Variants in CLEC16A observed in about 807,000 individuals in gnomAD.
CLEC16A encodes the protein C-type lectin domain containing 16A, also known as protein CLEC16A.
A neutral mutation model predicts 109.5 loss-of-function variants in CLEC16A; 51 were observed. That is an observed-to-expected ratio of 0.47 (90% CI 0.37 to 0.59). The LOEUF (loss-of-function observed/expected upper bound fraction) is 0.59, where lower values mean the gene tolerates loss of function less well. Ranked by LOEUF, CLEC16A falls within the 20% of genes least tolerant of loss-of-function variation. CLEC16A has a pLI of 0.00. For missense variants in CLEC16A, 1,339 were observed against 1,394.0 expected (o/e 0.96, Z 0.63); for synonymous variants, 673 against 564.2 (o/e 1.19, Z -2.73).
At chr16:10,995,888 C>T (rs1198363976) in intron 10 of CLEC16A, among the ~76,000 whole-genome samples, 1 of 152,196 alleles carries the variant, frequency 6.6e-6, no homozygotes, top group Non-Finnish European at 1.5e-5. Context: ...GAAGCATCCT[C>T]AGAGGGTGAG....
chr16:10,962,348 G>T (rs2042289116), intron 2 of CLEC16A, 107 bp from the exon 3 acceptor site: 1 of 1,368,886 alleles, frequency 7.3e-7, no homozygotes, highest in African/African-American at 1.4e-5. Context: ...CAGATACCTT[G>T]GGGGAGAGGG....
chr16:11,148,664 C>T (rs1380058888), intron 22 of CLEC16A, among the ~76,000 whole-genome samples: 3 of 152,210 alleles, frequency 2.0e-5, no homozygotes, highest in Non-Finnish European at 2.9e-5. Context: ...TATGCGCCTC[C>T]GTTTCCCTGT....
intron 22 of CLEC16A, among the ~76,000 whole-genome samples, chr16:11,151,678 TC>T (rs2054295831): frequency 1.3e-5 from 2 of 152,238 alleles, no homozygotes; most frequent in Non-Finnish European, 2.9e-5. Context: ...CAGTGCAATT[TC>T]ACTCACAGGG....
chr16:10,992,215 A>T (rs999099273), intron 10 of CLEC16A, among the ~76,000 whole-genome samples: 2 of 151,272 alleles, frequency 1.3e-5, no homozygotes, highest in Admixed American at 6.6e-5. Context: ...ACCAGATCTC[A>T]CTCCTCCTGT....
intron 17 of CLEC16A, 150 bp downstream of exon 17, chr16:11,047,492 G>C (rs770478109): frequency 1.6e-5 from 7 of 447,960 alleles, no homozygotes; most frequent in Non-Finnish European, 2.7e-5. Flanking sequence ...ATGGTGTCTT[G>C]TGATCCCCAC....
At chr16:11,017,975 TAATAAC>T (rs1567200741) in intron 11 of CLEC16A, among the ~76,000 whole-genome samples, 1 of 148,468 alleles carries the variant, frequency 6.7e-6, no homozygotes, top group Non-Finnish European at 1.5e-5. Context: ...TTAGTTTAGT[TAATAAC>T]AATTTTTAAA....
At chr16:11,144,131 G>T (rs529582659) in intron 22 of CLEC16A, among the ~76,000 whole-genome samples, 1 of 152,268 alleles carries the variant, frequency 6.6e-6, no homozygotes, top group Non-Finnish European at 1.5e-5. Flanking sequence ...TACTAGGCTG[G>T]TCATCTCCCA....
intron 10 of CLEC16A, among the ~76,000 whole-genome samples, chr16:10,983,380 T>C (rs1596876985): frequency 6.6e-6 from 1 of 152,226 alleles, no homozygotes; most frequent in Admixed American, 6.5e-5. Context: ...TGGCGAGGGG[T>C]GTGGCAAATT....
chr16:11,090,258 G>A (rs2050231427), intron 19 of CLEC16A, among the ~76,000 whole-genome samples: 1 of 152,110 alleles, frequency 6.6e-6, no homozygotes, highest in African/African-American at 2.4e-5. Context: ...GACTCGCTAT[G>A]TTGCCCAGTC....
chr16:11,025,037 G>T, intron 13 of CLEC16A, 116 bp downstream of exon 13: 4 of 749,280 alleles, frequency 5.3e-6, no homozygotes, highest in African/African-American at 1.8e-5. Context: ...TTTCCTTTCT[G>T]GTTTTGGTGG....
intron 19 of CLEC16A, among the ~76,000 whole-genome samples, chr16:11,104,743 T>A (rs371245268): frequency 1.3e-5 from 2 of 152,278 alleles, no homozygotes; most frequent in African/African-American, 4.8e-5. Flanking sequence ...ATTTTTCAGA[T>A]AAGGAAACAG....
chr16:11,098,000 T>C (rs576030556), intron 19 of CLEC16A, among the ~76,000 whole-genome samples: 4 of 152,326 alleles, frequency 2.6e-5, no homozygotes, highest in African/African-American at 9.6e-5. Flanking sequence ...TAGACTTGGC[T>C]GTGTGGTAGA....
intron 19 of CLEC16A, among the ~76,000 whole-genome samples, chr16:11,083,133 T>TG (rs1567293549): frequency 6.7e-6 from 1 of 150,038 alleles, no homozygotes; most frequent in Non-Finnish European, 1.5e-5. Context: ...TTTTGTTTGT[T>TG]TTGTTGTTGT....
chr16:11,093,335 C>T (rs558474148), intron 19 of CLEC16A, among the ~76,000 whole-genome samples: 10 of 152,312 alleles, frequency 6.6e-5, no homozygotes, highest in South Asian at 2.1e-4. Context: ...GTGCGGTTAC[C>T]GTGGCCATAC....
intron 22 of CLEC16A, among the ~76,000 whole-genome samples, chr16:11,141,022 AG>A (rs1463482432): frequency 6.6e-6 from 1 of 152,200 alleles, no homozygotes; most frequent in Non-Finnish European, 1.5e-5. Flanking sequence ...ACTGCTGTTG[AG>A]GAGGGAGCCA....
At chr16:11,171,719 G>A (rs1241289672) in intron 23 of CLEC16A, among the ~76,000 whole-genome samples, 2 of 152,188 alleles carry the variant, frequency 1.3e-5, no homozygotes, top group East Asian at 1.9e-4. Flanking sequence ...ACAGGAAAAC[G>A]TTAGAAATAT....
At chr16:11,161,057 C>T (rs930890136) in intron 22 of CLEC16A, among the ~76,000 whole-genome samples, 1 of 152,220 alleles carries the variant, frequency 6.6e-6, no homozygotes, top group African/African-American at 2.4e-5. Flanking sequence ...AGACAGCTTA[C>T]AATATCAAGA....
At chr16:10,993,157 C>T (rs1306648944) in intron 10 of CLEC16A, among the ~76,000 whole-genome samples, 8 of 151,924 alleles carry the variant, frequency 5.3e-5, no homozygotes, top group East Asian at 1.9e-4. Flanking sequence ...TTTGGGAGGC[C>T]GGTGTGGGCA....
intron 11 of CLEC16A, among the ~76,000 whole-genome samples, chr16:11,017,367 A>C (rs751348620): frequency 6.6e-6 from 1 of 152,236 alleles, no homozygotes; most frequent in Non-Finnish European, 1.5e-5. Flanking sequence ...GTAAAGAAGC[A>C]GAACAATAGA....
Sources: allele counts gnomAD v4.1 joint callset (sites outside exome capture counted in the v4.1 genomes callset), GRCh38; gene constraint gnomAD v4.1.1; transcripts MANE v1.5; gene names NCBI Gene and HGNC (gene_info 2026-07-23, HGNC 2026-07-21).